The following CMC4 variants were observed in gnomAD, a reference collection of about 807,000 sequenced individuals.
CMC4 encodes C-X9-C motif containing 4.
In CMC4, 4 loss-of-function variants were observed where a neutral mutation model predicts 5.1. That is an observed-to-expected ratio of 0.78 (90% confidence interval 0.38 to 1.78). CMC4 has a LOEUF of 1.78. CMC4 is among the 40% of genes most tolerant of loss of function. The pLI, the probability that CMC4 is intolerant of heterozygous loss-of-function variation, is 0.04. For missense variants in CMC4, 52 were observed against 51.3 expected (o/e 1.01, Z -0.04); for synonymous variants, 23 against 18.9 (o/e 1.22, Z -0.57).
chrX:155,065,785 G>A lies in CMC4; in HGVS notation c.-10-1752C>T, dbSNP rs782786343. 8 of 1,210,019 alleles carry A rather than the reference G, an allele frequency of 6.6e-6. No homozygotes were observed. The East Asian group carries it at 8.9e-5, about 13-fold the overall frequency. ...CTGGACTCGTGCCCTTAGGAAACTC[G>A]TCTCCTAATGGAAAGGAATGATCAA... is the stretch of plus-strand genomic sequence containing the variant. On this transcript the variant is annotated intron_variant, in intron 1 of 2. Coordinates refer to ENST00000369484, the MANE Select transcript of CMC4 (RefSeq NM_001018024.3).
rs782329817 is a variant in CMC4, at chrX:155,061,923, G to T, written c.127C>A (p.Pro43Thr). The T allele has an allele frequency of 1.7e-6, 2 of 1,209,587 alleles. No homozygotes were observed. Among genetic ancestry groups the T allele is most frequent in the Non-Finnish European group, 1.1e-6 (1 of 894,912 alleles). Reference sequence around the variant, plus strand: ...GAACAGACGACAGATCTTCCCTTGGGATACTGAGCACAACACTTACGCAGT... The same window carrying T: ...GAACAGACGACAGATCTTCCCTTGGTATACTGAGCACAACACTTACGCAGT... ...QELRKCCAQY[P>T]KGRSVVCSGF... The change falls in exon 3 of 3, where the codon CCC (proline) becomes ACC (threonine). Residue 43 changes from proline (P) to threonine (T), a missense_variant. Physicochemically the swap from Pro to Thr is conservative, Grantham distance 38. Coordinates refer to ENST00000369484, the MANE Select transcript of CMC4 (RefSeq NM_001018024.3).
rs1304384460 is a variant in CMC4 at position 155,071,104 on chromosome X, T to C, written c.-421A>G. ...TGGGCGCCGGTACTCGGGAGGCGCC[T>C]GCCCAGGCGCCCGGGCGCCGCTCAC... is the stretch of plus-strand genomic sequence containing the variant. On this transcript the variant is annotated 5_prime_UTR_variant, in exon 1 of 3. Coordinates refer to ENST00000369484, the MANE Select transcript of CMC4 (RefSeq NM_001018024.3). The C allele has an allele frequency of 2.7e-5, 3 of 110,682 alleles. No individual in the cohort carries two copies. The highest frequency in any genetic ancestry group is 3.8e-5 in the Non-Finnish European group (2 of 52,392). The allele number at this position is 110,682 out of a possible 1,213,427, so 9.1% of individuals were successfully genotyped here.
intron 1 of CMC4, among the ~76,000 whole-genome samples, chrX:155,069,528 T>G (rs1279776861): frequency 8.9e-6 from 1 of 112,234 alleles, no homozygotes; most frequent in Non-Finnish European, 1.9e-5. Context: ...CGCTATGAGG[T>G]GGGCAGAATT....
chrX:155,061,803 T>A lies in CMC4; in HGVS notation c.*40A>T. 1.7e-6 allele frequency: 2 copies of A among 1,190,598 alleles called. No individual in the cohort carries two copies. The highest frequency in any genetic ancestry group is 2.3e-6 in the Non-Finnish European group (2 of 884,220). On this transcript the variant is annotated 3_prime_UTR_variant, in exon 3 of 3. Coordinates refer to ENST00000369484, the MANE Select transcript of CMC4 (RefSeq NM_001018024.3). ...TGAAGAGTCAGGAGGATAAAAAAAA[T>A]TCATTTGGTGGAAACATGGAGCAGC...
At chrX:155,063,151 A>C (rs1291745486) in intron 2 of CMC4, among the ~76,000 whole-genome samples, 1 of 112,428 alleles carries the variant, frequency 8.9e-6, no homozygotes, top group African/African-American at 3.2e-5. Context: ...TCCAGATTTT[A>C]ATCTAAAAGA....
In CMC4 at chrX:155,061,731, A is replaced by C; in HGVS notation, c.*112T>G. 1 of 891,602 alleles carries C rather than the reference A, an allele frequency of 1.1e-6. No homozygotes were observed. The highest frequency in any genetic ancestry group is 3.2e-5 in the East Asian group (1 of 31,615). The allele number at this position is 891,602 out of a possible 1,213,427, so 73.5% of individuals were successfully genotyped here. A position where few individuals can be genotyped will look rare whatever the true frequency, so the allele number is the denominator to read the frequency against. On this transcript the variant is annotated 3_prime_UTR_variant, in exon 3 of 3. Coordinates refer to ENST00000369484, the MANE Select transcript of CMC4 (RefSeq NM_001018024.3). ...GTTCTGCATAGATGGCATATTCATT[A>C]ACTTTTGTAGCTGACTTTTTCATTT...
At chrX:155,069,488 A>G (rs1393964211) in intron 1 of CMC4, among the ~76,000 whole-genome samples, 1 of 111,984 alleles carries the variant, frequency 8.9e-6, no homozygotes, top group Non-Finnish European at 1.9e-5. Flanking sequence ...ACATATATTG[A>G]CTCATTTAAT....
chrX:155,061,934 C>A lies in CMC4; in HGVS notation c.116G>T (p.Cys39Phe), dbSNP rs1828697393. Residue 39 changes from cysteine to phenylalanine, a missense_variant, in exon 3 of 3, where the codon TGT (cysteine) becomes TTT (phenylalanine). Coordinates refer to ENST00000369484, the MANE Select transcript of CMC4 (RefSeq NM_001018024.3). ...AGATCTTCCCTTGGGATACTGAGCA[C>A]AACACTTACGCAGTTCTTGGATGAC... The part of the protein sequence containing the change: ...QAVIQELRKC[C>F]AQYPKGRSVV... 8.3e-7 allele frequency: 1 copy of A among 1,211,391 alleles called. No homozygotes were observed.
intron 1 of CMC4, among the ~76,000 whole-genome samples, chrX:155,067,227 T>C (rs1557292086): frequency 8.9e-6 from 1 of 111,841 alleles, no homozygotes; most frequent in Admixed American, 9.5e-5. Context: ...TGCATCTGAC[T>C]CTGAGCCTGG....
At chrX:155,063,836 G>GA (rs1384165677) in intron 2 of CMC4, 130 bp downstream of exon 2, 2 of 530,940 alleles carry the variant, frequency 3.8e-6, no homozygotes, top group African/African-American at 4.9e-5. Context: ...ATACAATGAA[G>GA]AGAATCTTCA....
chrX:155,064,967 C>T (rs1430469372), intron 1 of CMC4: 1 of 117,135 alleles, frequency 8.5e-6, no homozygotes, highest in Non-Finnish European at 1.8e-5. Context: ...AGGTGAATTG[C>T]TGCAGGGCAA....
intron 1 of CMC4, among the ~76,000 whole-genome samples, chrX:155,069,876 C>T (rs1351400010): frequency 8.9e-6 from 1 of 112,032 alleles, no homozygotes; most frequent in Admixed American, 9.4e-5. Context: ...TATCCCATCA[C>T]CAAATGTTAA....
At position 155,070,880 on chromosome X, in the gene CMC4, C is replaced by T. The variant is rs1888858253; in HGVS notation, c.-197G>A. 8.9e-6 allele frequency: 1 copy of T among 112,450 alleles called. No homozygotes were observed. Among genetic ancestry groups the T allele is most frequent in the Non-Finnish European group, 1.9e-5 (1 of 53,168 alleles). The allele number at this position is 112,450 out of a possible 1,213,427, so 9.3% of individuals were successfully genotyped here. On this transcript the variant is annotated 5_prime_UTR_variant, in exon 1 of 3. Coordinates refer to ENST00000369484, the MANE Select transcript of CMC4 (RefSeq NM_001018024.3). ...GCGCGGGCCGGCAACCGGAAGTGGT[C>T]CAGGGAGAGTTGTACGAGATTCGGG...
At chrX:155,063,885 A>C in intron 2 of CMC4, 81 bp downstream of exon 2, 2 of 731,082 alleles carry the variant, frequency 2.7e-6, no homozygotes, top group Non-Finnish European at 4.1e-6. Flanking sequence ...AAAAAGAGTT[A>C]ATACAGATAA....
intron 1 of CMC4, among the ~76,000 whole-genome samples, chrX:155,066,437 G>A (rs1935758109): frequency 8.9e-6 from 1 of 112,152 alleles, no homozygotes; most frequent in Non-Finnish European, 1.9e-5. Flanking sequence ...CACTTATTTT[G>A]GCAGGAAGGC....
At chrX:155,063,222 A>G (rs2073935041) in intron 2 of CMC4, among the ~76,000 whole-genome samples, 1 of 112,444 alleles carries the variant, frequency 8.9e-6, no homozygotes, top group African/African-American at 3.2e-5. Flanking sequence ...CTAAAAGTCC[A>G]AGGAGATACA....
rs782294395 is a variant in CMC4 at position 155,065,981 on chromosome X, G to T, written c.-10-1948C>A. On this transcript the variant is annotated intron_variant, in intron 1 of 2. Coordinates refer to ENST00000369484, the MANE Select transcript of CMC4 (RefSeq NM_001018024.3). ...CCTCTTGGTGAACCCAGAGGTGATC[G>T]GGTGGAGCCCCCACATCCTCTCCTG... The T allele has an allele frequency of 7.4e-6, 9 of 1,209,504 alleles. No homozygotes were observed. In the East Asian group the frequency reaches 2.1e-4, roughly 28 times the overall value.
Position 155,071,103 on chromosome X carries a change from C to T in CMC4, c.-420G>A, listed in dbSNP as rs782257340. On this transcript the variant is annotated 5_prime_UTR_variant, in exon 1 of 3. Transcript: ENST00000369484. The stretch of plus-strand genomic sequence containing the variant: ...ATGGGCGCCGGTACTCGGGAGGCGC[C>T]TGCCCAGGCGCCCGGGCGCCGCTCA... 1 of 110,914 alleles carries T rather than the reference C, an allele frequency of 9.0e-6. No individual in the cohort carries two copies. Among genetic ancestry groups the T allele is most frequent in the Non-Finnish European group, 1.9e-5 (1 of 52,442 alleles). The allele number at this position is 110,914 out of a possible 1,213,427, so 9.1% of individuals were successfully genotyped here.
At chrX:155,062,401 T>G (rs1266431718) in intron 2 of CMC4, among the ~76,000 whole-genome samples, 2 of 112,140 alleles carry the variant, frequency 1.8e-5, no homozygotes, top group Non-Finnish European at 3.8e-5. Flanking sequence ...ATTGGCAAAC[T>G]GCAGCCTTAG....
Sources: allele counts gnomAD v4.1 joint callset (sites outside exome capture counted in the v4.1 genomes callset), GRCh38; gene constraint gnomAD v4.1.1; transcripts MANE v1.5; gene names NCBI Gene and HGNC (gene_info 2026-07-23, HGNC 2026-07-21).